PHLPP1: variants seen among roughly 807,000 people sequenced by gnomAD.
PHLPP1 encodes PH domain and leucine rich repeat protein phosphatase 1, also known as PH domain leucine-rich repeat-containing protein phosphatase 1.
PHLPP1 carries 42 observed loss-of-function variants against 117.2 expected under a neutral mutation model. The ratio of observed to expected loss-of-function variants is 0.36; its 90% confidence interval spans 0.28 to 0.46. The LOEUF is 0.46. PHLPP1 is among the 20% of genes least tolerant of loss of function. The pLI is 1.00. For synonymous variants in PHLPP1, 1,042 were observed against 970.7 expected (o/e 1.07, Z -1.37); for missense variants, 2,084 against 2,241.9 (o/e 0.93, Z 1.42).
intron 1 of PHLPP1, among the ~76,000 whole-genome samples, chr18:62,764,180 A>C (rs1292644673): frequency 2.6e-5 from 4 of 151,124 alleles, no homozygotes; most frequent in East Asian, 1.9e-4. Context: ...AAAAAAAAAA[A>C]AAACAACAAC....
chr18:62,805,506 C>A (rs531896454), intron 1 of PHLPP1, among the ~76,000 whole-genome samples: 29 of 152,022 alleles, frequency 1.9e-4, no homozygotes. Flanking sequence ...TACAAGCATG[C>A]GCCCCACACC....
At position 62,818,388 on chromosome 18, in the gene PHLPP1, C is replaced by T. The variant is rs1164426395; in HGVS notation, c.1577-11647C>T. ...TCTACTAAAAAATATAAAAATTACTCTGGTGGCGGATGCCTGTAGTCCCAG... is the reference window on the plus strand; with the variant it reads ...TCTACTAAAAAATATAAAAATTACTTTGGTGGCGGATGCCTGTAGTCCCAG... On this transcript the variant is annotated intron_variant, in intron 1 of 16. Transcript: ENST00000262719. 2.6e-5 allele frequency among the ~76,000 whole-genome samples: 4 copies of T among 151,894 alleles called. No homozygotes were observed. In the South Asian group the frequency reaches 8.3e-4, roughly 32 times the overall value.
intron 1 of PHLPP1, chr18:62,824,131 C>CAAAAA: frequency 5.8e-6 from 2 of 347,052 alleles, no homozygotes; most frequent in South Asian, 3.6e-5. Context: ...AACTCCGTCT[C>CAAAAA]AAAAAAAAAA....
chr18:62,962,589 G>A (rs747073997), intron 13 of PHLPP1, among the ~76,000 whole-genome samples: 14 of 152,210 alleles, frequency 9.2e-5, no homozygotes, highest in Non-Finnish European at 1.5e-4. Flanking sequence ...GATTACAGGC[G>A]TGAGCCACCG....
chr18:62,719,818 G>C (rs1910864020), intron 1 of PHLPP1, among the ~76,000 whole-genome samples: 1 of 152,092 alleles, frequency 6.6e-6, no homozygotes, highest in Non-Finnish European at 1.5e-5. Flanking sequence ...TTGAGGGTCT[G>C]CTCTCTTGAA....
chr18:62,892,509 G>A (rs543011920), intron 4 of PHLPP1, among the ~76,000 whole-genome samples: 6 of 152,202 alleles, frequency 3.9e-5, no homozygotes, highest in African/African-American at 1.4e-4. Context: ...AGTCTCCACT[G>A]AAATATGAGA....
At chr18:62,967,499 A>G (rs1272286350) in intron 14 of PHLPP1, among the ~76,000 whole-genome samples, 1 of 151,682 alleles carries the variant, frequency 6.6e-6, no homozygotes, top group Non-Finnish European at 1.5e-5. Flanking sequence ...CCATATGTTT[A>G]TTTATCATCC....
intron 16 of PHLPP1, among the ~76,000 whole-genome samples, chr18:62,977,470 G>A (rs1224539371): frequency 2.7e-5 from 4 of 146,214 alleles, no homozygotes; most frequent in East Asian, 2.0e-4. Context: ...TCTTTTTATT[G>A]GCAAGTGGTC....
chr18:62,804,006 A>G (rs1367618609), intron 1 of PHLPP1, among the ~76,000 whole-genome samples: 4 of 152,150 alleles, frequency 2.6e-5, no homozygotes, highest in East Asian at 3.9e-4. Flanking sequence ...TCACACTGCT[A>G]TAAAGAACTG....
At position 62,895,112 on chromosome 18, in the gene PHLPP1, G is replaced by A. The variant is rs369866420; in HGVS notation, c.2168G>A (p.Cys723Tyr). Residue 723 changes from cysteine to tyrosine, a missense_variant, in exon 5 of 17, where the codon TGC becomes TAC. Physicochemically the swap from Cys to Tyr is radical, Grantham distance 194 (BLOSUM62 -2). Transcript: ENST00000262719. ...IPTLAELNVSCNALRSVPAAV... is the reference protein window; with the variant it reads ...IPTLAELNVSYNALRSVPAAV... The stretch of plus-strand genomic sequence containing the variant: ...ACCCTGGCAGAGCTGAACGTGTCCT[G>A]CAATGCCCTGCGATCAGTCCCGGCA... The A allele has an allele frequency of 5.6e-6, 9 of 1,613,808 alleles. No individual in the cohort carries two copies. Among genetic ancestry groups the A allele is most frequent in the Non-Finnish European group, 7.6e-6 (9 of 1,179,876 alleles).
intron 1 of PHLPP1, among the ~76,000 whole-genome samples, chr18:62,772,297 A>T (rs780232506): frequency 1.3e-5 from 2 of 152,230 alleles, no homozygotes; most frequent in Non-Finnish European, 2.9e-5. Flanking sequence ...TTTCATCATT[A>T]TATCGTATCA....
chr18:62,737,883 G>C (rs961312573), intron 1 of PHLPP1, among the ~76,000 whole-genome samples: 4 of 152,100 alleles, frequency 2.6e-5, no homozygotes, highest in African/African-American at 9.7e-5. Flanking sequence ...GAATTGTTGG[G>C]TTTTAATGAA....
chr18:62,921,316 G>C (rs1909460934), intron 10 of PHLPP1, among the ~76,000 whole-genome samples: 1 of 152,210 alleles, frequency 6.6e-6, no homozygotes, highest in African/African-American at 2.4e-5. Flanking sequence ...GTGCAGAGAA[G>C]AGAAGGAAAT....
intron 1 of PHLPP1, among the ~76,000 whole-genome samples, chr18:62,811,863 A>G (rs1038806630): frequency 3.9e-5 from 6 of 152,212 alleles, no homozygotes; most frequent in Non-Finnish European, 7.3e-5. Flanking sequence ...ATCCAGACTC[A>G]ACATATTTAA....
intron 1 of PHLPP1, among the ~76,000 whole-genome samples, chr18:62,800,556 A>G (rs1913748751): frequency 6.6e-6 from 1 of 151,556 alleles, no homozygotes; most frequent in African/African-American, 2.4e-5. Context: ...TGCAGTTAAA[A>G]TTCTCAAGGG....
chr18:62,957,014 C>CT (rs1267757251), intron 12 of PHLPP1, among the ~76,000 whole-genome samples: 3 of 152,030 alleles, frequency 2.0e-5, no homozygotes, highest in Non-Finnish European at 4.4e-5. Context: ...TCCCTCCTCC[C>CT]TTTTTTTAAA....
chr18:62,818,722 T>G (rs1180604131), intron 1 of PHLPP1, among the ~76,000 whole-genome samples: 1 of 152,180 alleles, frequency 6.6e-6, no homozygotes, highest in Non-Finnish European at 1.5e-5. Flanking sequence ...TATAAAAGAC[T>G]TATTTTAAAA....
At chr18:62,861,254 C>T (rs974512889) in intron 4 of PHLPP1, among the ~76,000 whole-genome samples, 4 of 152,096 alleles carry the variant, frequency 2.6e-5, no homozygotes, top group Non-Finnish European at 5.9e-5. Flanking sequence ...GGATTACAGG[C>T]GCCCACGCCC....
intron 4 of PHLPP1, among the ~76,000 whole-genome samples, chr18:62,864,574 A>T (rs1915724068): frequency 6.6e-6 from 1 of 152,252 alleles, no homozygotes; most frequent in Admixed American, 6.5e-5. Flanking sequence ...ACATTCAGTA[A>T]GCTTATCTGC....
Sources: allele counts gnomAD v4.1 joint callset (sites outside exome capture counted in the v4.1 genomes callset), GRCh38; gene constraint gnomAD v4.1.1; transcripts MANE v1.5; gene names NCBI Gene and HGNC (gene_info 2026-07-23, HGNC 2026-07-21).